The following EPHA3 variants were observed in gnomAD, a reference collection of about 807,000 sequenced individuals.
The protein encoded by EPHA3 is ephrin type-A receptor 3.
In EPHA3, 42 loss-of-function variants were observed where a neutral mutation model predicts 107.1. The ratio of observed to expected loss-of-function variants is 0.39; its 90% CI spans 0.31 to 0.51. EPHA3 has a LOEUF of 0.51. EPHA3 is among the 20% of genes least tolerant of loss of function. EPHA3 has a pLI of 0.78. For missense variants in EPHA3, 1,183 were observed against 1,211.2 expected (o/e 0.98, Z 0.35); for synonymous variants, 461 against 424.8 (o/e 1.09, Z -1.05).
chr3:89,325,247 C>T (rs1440005099), intron 3 of EPHA3, among the ~76,000 whole-genome samples: 1 of 152,160 alleles, frequency 6.6e-6, no homozygotes, highest in Non-Finnish European at 1.5e-5. Context: ...ATATCATCTA[C>T]ATAATGTATC....
intron 2 of EPHA3, among the ~76,000 whole-genome samples, chr3:89,208,553 A>G (rs1332783284): frequency 6.7e-6 from 1 of 148,860 alleles, no homozygotes; most frequent in East Asian, 2.0e-4. Context: ...AGAAAGAGAA[A>G]GAAAGAAAGA....
chr3:89,440,760 C>A (rs1431411144), intron 13 of EPHA3, among the ~76,000 whole-genome samples: 5 of 152,130 alleles, frequency 3.3e-5, no homozygotes, highest in Admixed American at 6.5e-5. Flanking sequence ...TTATGTAGTG[C>A]CTTTTTCCAG....
intron 2 of EPHA3, among the ~76,000 whole-genome samples, chr3:89,193,384 G>A (rs1317032205): frequency 6.6e-6 from 1 of 151,960 alleles, no homozygotes; most frequent in Non-Finnish European, 1.5e-5. Context: ...GTTACAATTT[G>A]ATAATCCTAT....
At chr3:89,258,938 A>G (rs572762091) in intron 3 of EPHA3, among the ~76,000 whole-genome samples, 1 of 152,306 alleles carries the variant, frequency 6.6e-6, no homozygotes, top group South Asian at 2.1e-4. Flanking sequence ...TACACCAAAC[A>G]ACAATGAAAA....
chr3:89,278,768 T>G (rs1705870698), intron 3 of EPHA3, among the ~76,000 whole-genome samples: 1 of 152,194 alleles, frequency 6.6e-6, no homozygotes, highest in Non-Finnish European at 1.5e-5. Context: ...TTCTGACGAC[T>G]AGGCCCATTG....
At chr3:89,119,108 T>C (rs932172038) in intron 1 of EPHA3, among the ~76,000 whole-genome samples, 8 of 152,080 alleles carry the variant, frequency 5.3e-5, no homozygotes, top group Admixed American at 1.3e-4. Flanking sequence ...TTTAAATGAA[T>C]ATATAACAAA....
chr3:89,204,780 G>A (rs1160368333), intron 2 of EPHA3, among the ~76,000 whole-genome samples: 1 of 152,122 alleles, frequency 6.6e-6, no homozygotes, highest in Non-Finnish European at 1.5e-5. Flanking sequence ...AAATGCTGCT[G>A]CCTGGTAAAT....
rs1375665503 is a variant in EPHA3, at chr3:89,197,427, A to C, written c.154-12433A>C. Among the ~76,000 whole-genome samples the C allele has an allele frequency of 5.7e-5, 5 of 88,348 alleles. No homozygotes were observed. The South Asian group carries it at 2.2e-3, about 38-fold the overall frequency. The allele number at this position is 88,348 out of a possible 152,430, so 58.0% of individuals were successfully genotyped here. ...TAAAAACATAAAAAAAAACATAAAAACATAAAAAAAAAATAAAAACATAAA... is the reference window on the plus strand; with the variant it reads ...TAAAAACATAAAAAAAAACATAAAACCATAAAAAAAAAATAAAAACATAAA... On this transcript the variant is annotated intron_variant, in intron 2 of 16. Coordinates refer to ENST00000336596, the MANE Select transcript of EPHA3 (RefSeq NM_005233.6).
intron 16 of EPHA3, among the ~76,000 whole-genome samples, chr3:89,477,514 G>A (rs749249508): frequency 4.8e-4 from 73 of 152,010 alleles, no homozygotes; most frequent in Non-Finnish European, 7.8e-4. Flanking sequence ...TATTGCCTAG[G>A]AACCCATTTC....
intron 3 of EPHA3, among the ~76,000 whole-genome samples, chr3:89,266,065 T>G (rs1705532048): frequency 6.6e-6 from 1 of 152,182 alleles, no homozygotes; most frequent in African/African-American, 2.4e-5. Flanking sequence ...AGCTCTGAGC[T>G]CTGTCTTCTG....
At chr3:89,445,856 C>T (rs1051512873) in intron 13 of EPHA3, among the ~76,000 whole-genome samples, 1 of 152,086 alleles carries the variant, frequency 6.6e-6, no homozygotes, top group Non-Finnish European at 1.5e-5. Flanking sequence ...TCCAAGGTAC[C>T]ACAGTGAGCT....
chr3:89,212,592 GA>G (rs1391993508), intron 3 of EPHA3, among the ~76,000 whole-genome samples: 4 of 21,302 alleles, frequency 1.9e-4, no homozygotes, highest in African/African-American at 4.2e-4. Flanking sequence ...GAAACATCAT[GA>G]TTTTTTTTTT....
chr3:89,127,317 C>T (rs773380167), intron 2 of EPHA3, 44 bp downstream of exon 2: 3 of 1,443,462 alleles, frequency 2.1e-6, no homozygotes, highest in Non-Finnish European at 2.9e-6. Flanking sequence ...TCTCTATTAC[C>T]TGTCTTAGGG....
At chr3:89,130,768 G>A (rs2106985089) in intron 2 of EPHA3, among the ~76,000 whole-genome samples, 1 of 152,082 alleles carries the variant, frequency 6.6e-6, no homozygotes. Context: ...CCGAGTAGTT[G>A]GGACTACAGG....
chr3:89,424,412 AC>A (rs892614605), intron 11 of EPHA3, among the ~76,000 whole-genome samples: 17 of 151,414 alleles, frequency 1.1e-4, no homozygotes, highest in African/African-American at 4.1e-4. Flanking sequence ...ACACAAACAA[AC>A]CCACAAATGT....
chr3:89,235,741 A>G (rs1704743649), intron 3 of EPHA3, among the ~76,000 whole-genome samples: 1 of 151,962 alleles, frequency 6.6e-6, no homozygotes, highest in Non-Finnish European at 1.5e-5. Context: ...AACTTGCTGA[A>G]TTCTTAACAC....
At chr3:89,379,220 G>A (rs1460332515) in intron 5 of EPHA3, among the ~76,000 whole-genome samples, 1 of 152,182 alleles carries the variant, frequency 6.6e-6, no homozygotes, top group African/African-American at 2.4e-5. Context: ...ATGGGGCAGA[G>A]AAAGAGTAAA....
chr3:89,351,897 G>A (rs1217400458), intron 5 of EPHA3, among the ~76,000 whole-genome samples: 1 of 143,158 alleles, frequency 7.0e-6, no homozygotes, highest in Non-Finnish European at 1.5e-5. Flanking sequence ...AAATAAATAA[G>A]TAATTTTCTG....
chr3:89,411,273 T>C (rs960489396), intron 9 of EPHA3, among the ~76,000 whole-genome samples: 2 of 151,862 alleles, frequency 1.3e-5, no homozygotes, highest in African/African-American at 4.8e-5. Context: ...TCAGAGTTTG[T>C]CCAAAGCAAG....
Sources: gnomAD v4.1 joint callset for allele counts (sites outside exome capture counted in the v4.1 genomes callset) on GRCh38, gnomAD v4.1.1 for gene constraint, MANE v1.5 for transcripts, NCBI Gene and HGNC (gene_info 2026-07-23, HGNC 2026-07-21) for gene names.